The following MYO5B variants were observed in gnomAD, a reference collection of about 807,000 sequenced individuals.
The protein encoded by MYO5B is unconventional myosin-Vb.
A neutral mutation model predicts 229.3 loss-of-function variants in MYO5B; 143 were observed. The ratio of observed to expected loss-of-function variants is 0.62; its 90% CI spans 0.54 to 0.72. The LOEUF (loss-of-function observed/expected upper bound fraction) is 0.72. Ranked by LOEUF, MYO5B falls within the 30% of genes least tolerant of loss-of-function variation. The pLI is 0.00. For synonymous variants in MYO5B, 918 were observed against 885.2 expected, an observed-to-expected ratio of 1.04 and a Z score of -0.66; for missense variants, 2,321 against 2,331.0, an observed-to-expected ratio of 1.00 and a Z score of 0.09.
intron 28 of MYO5B, 115 bp downstream of exon 28, chr18:49,864,026 G>C (rs906710696): frequency 1.3e-6 from 2 of 1,501,194 alleles, no homozygotes; most frequent in East Asian, 4.7e-5. Context: ...CCCACAGCGA[G>C]AGACTCTGCT....
intron 14 of MYO5B, among the ~76,000 whole-genome samples, chr18:49,937,970 T>C (rs531955309): frequency 6.6e-6 from 1 of 152,280 alleles, no homozygotes; most frequent in Non-Finnish European, 1.5e-5. Context: ...AATTGTGTGC[T>C]TCAAAAGGGT....
At chr18:49,847,366 G>C in intron 32 of MYO5B, 77 bp from the exon 33 acceptor site, 2 of 1,546,340 alleles carry the variant, frequency 1.3e-6, no homozygotes, top group South Asian at 1.2e-5. Flanking sequence ...TCTCTGGCGG[G>C]TGGAGGATGG....
chr18:49,968,440 C>T (rs967644087), intron 10 of MYO5B, among the ~76,000 whole-genome samples: 2 of 152,234 alleles, frequency 1.3e-5, no homozygotes, highest in Admixed American at 6.5e-5. Flanking sequence ...AAGTGATTAA[C>T]TTCTAATCTA....
intron 2 of MYO5B, among the ~76,000 whole-genome samples, chr18:50,043,459 A>C (rs1308029193): frequency 8.3e-6 from 1 of 121,136 alleles, no homozygotes; most frequent in Non-Finnish European, 1.6e-5. Flanking sequence ...ATTTAAATAT[A>C]TTTGTATATA....
intron 1 of MYO5B, among the ~76,000 whole-genome samples, chr18:50,088,840 G>A (rs1419912658): frequency 6.6e-6 from 1 of 152,108 alleles, no homozygotes; most frequent in Non-Finnish European, 1.5e-5. Flanking sequence ...TTTGAAGAAA[G>A]CCTGCATATT....
intron 8 of MYO5B, among the ~76,000 whole-genome samples, chr18:49,983,724 G>T (rs1384943416): frequency 6.6e-6 from 1 of 152,190 alleles, no homozygotes; most frequent in Non-Finnish European, 1.5e-5. Context: ...AGTGTGGTTT[G>T]TGTCTCCTGA....
At chr18:49,927,000 A>G (rs2144189873) in intron 17 of MYO5B, among the ~76,000 whole-genome samples, 1 of 152,160 alleles carries the variant, frequency 6.6e-6, no homozygotes, top group East Asian at 1.9e-4. Context: ...GGTGGCTGCT[A>G]GGGACTGGGG....
intron 28 of MYO5B, among the ~76,000 whole-genome samples, chr18:49,863,622 G>A (rs900887980): frequency 6.6e-6 from 1 of 152,132 alleles, no homozygotes; most frequent in Middle Eastern, 3.2e-3. Flanking sequence ...GGTAGACCCT[G>A]GTTCAGCTGG....
chr18:49,919,462 T>A (rs956026516), intron 17 of MYO5B, among the ~76,000 whole-genome samples: 3 of 152,154 alleles, frequency 2.0e-5, no homozygotes, highest in African/African-American at 7.2e-5. Context: ...AGAACTCCTA[T>A]AACTCCTATA....
intron 1 of MYO5B, among the ~76,000 whole-genome samples, chr18:50,168,283 C>A (rs1014694985): frequency 9.2e-5 from 14 of 152,218 alleles, no homozygotes; most frequent in Admixed American, 5.2e-4. Flanking sequence ...TGTTCCACAG[C>A]TAAGGGAGTA....
At chr18:50,113,292 G>A (rs1250268178) in intron 1 of MYO5B, among the ~76,000 whole-genome samples, 1 of 152,186 alleles carries the variant, frequency 6.6e-6, no homozygotes, top group Non-Finnish European at 1.5e-5. Flanking sequence ...AGTATCAAGG[G>A]GTGCTTTGAC....
At chr18:49,887,744 G>T (rs565155314) in intron 22 of MYO5B, among the ~76,000 whole-genome samples, 2 of 152,074 alleles carry the variant, frequency 1.3e-5, no homozygotes, top group East Asian at 3.9e-4. Flanking sequence ...GCAGTGGCGC[G>T]ATCTCAGCTC....
intron 1 of MYO5B, among the ~76,000 whole-genome samples, chr18:50,188,085 T>C (rs771829396): frequency 2.6e-5 from 4 of 152,214 alleles, no homozygotes; most frequent in Admixed American, 2.0e-4. Flanking sequence ...TGGAAAAATA[T>C]AGAAACTGCA....
chr18:50,112,496 A>G (rs963275748), intron 1 of MYO5B, among the ~76,000 whole-genome samples: 34 of 152,154 alleles, frequency 2.2e-4, no homozygotes, highest in African/African-American at 8.2e-4. Context: ...AGACGGCCGC[A>G]TGGGACCCCC....
intron 1 of MYO5B, among the ~76,000 whole-genome samples, chr18:50,127,265 T>C (rs117258383): frequency 1.9e-3 from 284 of 152,360 alleles, no homozygotes; most frequent in Non-Finnish European, 3.4e-3. Context: ...TACCAGATAC[T>C]GGCCATCCTT....
intron 1 of MYO5B, among the ~76,000 whole-genome samples, chr18:50,061,246 T>C (rs2030679344): frequency 6.6e-6 from 1 of 152,210 alleles, no homozygotes; most frequent in African/African-American, 2.4e-5. Context: ...TGAATGGGTC[T>C]GAGCCCCAGT....
chr18:50,014,331 C>G (rs1340380466), intron 4 of MYO5B, among the ~76,000 whole-genome samples: 3 of 146,350 alleles, frequency 2.0e-5, no homozygotes, highest in African/African-American at 7.7e-5. Context: ...AGAAGCTATA[C>G]AGTGTTATTT....
At chr18:50,183,462 A>T (rs1355408) in intron 1 of MYO5B, among the ~76,000 whole-genome samples, 3 of 150,822 alleles carry the variant, frequency 2.0e-5, no homozygotes, top group Non-Finnish European at 4.4e-5. Flanking sequence ...CAAGAAGATG[A>T]GGAAAGGCTT....
At chr18:50,194,458 G>A (rs8085713) in intron 1 of MYO5B, among the ~76,000 whole-genome samples, 6,165 of 152,266 alleles carry the variant, frequency 0.04, 141 homozygotes, top group South Asian at 0.059. Context: ...GGTTGGAGCC[G>A]AGCCCAGGCA....
Sources: gnomAD v4.1 joint callset for allele counts (sites outside exome capture counted in the v4.1 genomes callset) on GRCh38, gnomAD v4.1.1 for gene constraint, MANE v1.5 for transcripts, NCBI Gene and HGNC (gene_info 2026-07-23, HGNC 2026-07-21) for gene names.